The following SYDE2 variants were observed in gnomAD, a reference collection of about 807,000 sequenced individuals.
The protein encoded by SYDE2 is synapse defective Rho GTPase homolog 2.
Under a neutral mutation model 91.5 loss-of-function variants are expected in SYDE2, and 76 were observed. The ratio of observed to expected loss-of-function variants is 0.83; its 90% confidence interval spans 0.69 to 1.01. The LOEUF (loss-of-function observed/expected upper bound fraction) is 1.01, where lower values mean the gene tolerates loss of function less well. SYDE2 is among the 50% of genes least tolerant of loss of function. The pLI, the probability that SYDE2 is intolerant of heterozygous loss-of-function variation, is 0.00. For missense variants in SYDE2, 1,364 were observed against 1,367.7 expected, an observed-to-expected ratio of 1.00 and a Z score of 0.04; for synonymous variants, 513 against 506.4, an observed-to-expected ratio of 1.01 and a Z score of -0.18.
intron 6 of SYDE2, among the ~76,000 whole-genome samples, chr1:85,161,578 T>C (rs1657060763): frequency 6.6e-6 from 1 of 151,680 alleles, no homozygotes; most frequent in Non-Finnish European, 1.5e-5. Context: ...ATACAAAAAT[T>C]AGCTGGGCGC....
Position 85,166,384 on chromosome 1 carries a change from T to A in SYDE2, c.2854-1627A>T, listed in dbSNP as rs997237452. 7.3e-5 allele frequency among the ~76,000 whole-genome samples: 11 copies of A among 151,720 alleles called. No homozygotes were observed. The East Asian group carries it at 2.1e-3, about 29-fold the overall frequency. On this transcript the variant is annotated intron_variant, in intron 5 of 6. Transcript: ENST00000341460. The stretch of plus-strand genomic sequence containing the variant: ...TTTTTTTGTAGAGACAGGGTCTTGC[T>A]ATGTTGTCTAAGCTGGTAAAAATCT...
At chr1:85,192,174 C>T (rs1318287389) in intron 1 of SYDE2, among the ~76,000 whole-genome samples, 1 of 152,088 alleles carries the variant, frequency 6.6e-6, no homozygotes, top group Non-Finnish European at 1.5e-5. Flanking sequence ...AACCTCCCTT[C>T]TACTGAAAAG....
chr1:85,190,666 G>A lies in SYDE2; in HGVS notation c.832C>T (p.Pro278Ser). Reference protein sequence around the residue: ...KDNIEFRGHKPLNSITVSKKR... With the variant: ...KDNIEFRGHKSLNSITVSKKR... ...TTTGAAACAGTGATGCTGTTAAGTGGCTTATGACCTCTGAATTCAATATTA... is the reference window on the plus strand; with the variant it reads ...TTTGAAACAGTGATGCTGTTAAGTGACTTATGACCTCTGAATTCAATATTA... The change falls in exon 2 of 7, where the codon CCA becomes TCA. Residue 278 changes from proline to serine, a missense_variant. Pro to Ser is a moderately conservative substitution (Grantham distance 74). Coordinates refer to ENST00000341460, the MANE Select transcript of SYDE2 (RefSeq NM_032184.2). The A allele has an allele frequency of 6.2e-7, 1 of 1,613,844 alleles. No homozygotes were observed. Among genetic ancestry groups the A allele is most frequent in the East Asian group, 2.2e-5 (1 of 44,866 alleles).
chr1:85,187,545 T>C (rs2100681602), intron 2 of SYDE2, among the ~76,000 whole-genome samples: 1 of 150,346 alleles, frequency 6.7e-6, no homozygotes, highest in African/African-American at 2.4e-5. Context: ...TAAATCATGC[T>C]GCTATAAAGA....
intron 5 of SYDE2, among the ~76,000 whole-genome samples, chr1:85,167,213 CAA>C (rs74838837): frequency 1.4e-4 from 11 of 81,466 alleles, no homozygotes; most frequent in East Asian, 4.2e-4. Flanking sequence ...GACCCTGTCT[CAA>C]AAAAAAAAAA....
chr1:85,170,669 A>T (rs563040339), intron 4 of SYDE2, among the ~76,000 whole-genome samples: 42 of 152,334 alleles, frequency 2.8e-4, no homozygotes, highest in African/African-American at 9.9e-4. Context: ...ATCAGAAATA[A>T]GAAACCTGCA....
At chr1:85,193,018 G>C (rs1209949344) in intron 1 of SYDE2, among the ~76,000 whole-genome samples, 1 of 152,184 alleles carries the variant, frequency 6.6e-6, no homozygotes, top group African/African-American at 2.4e-5. Flanking sequence ...CAAGTAACTT[G>C]TTCAAGAGTA....
In SYDE2 at chr1:85,157,196, T is replaced by C. The variant is rs976103751; in HGVS notation, c.*1554A>G. The C allele has an allele frequency of 5.3e-5, 8 of 152,088 alleles. No individual in the cohort carries two copies. The highest frequency in any genetic ancestry group is 1.9e-4 in the African/African-American group (8 of 41,462). The allele number at this position is 152,088 out of a possible 1,614,324, so 9.4% of individuals were successfully genotyped here. A position where few individuals can be genotyped will look rare whatever the true frequency, so the allele number is the denominator to read the frequency against. On this transcript the variant is annotated 3_prime_UTR_variant, in exon 7 of 7. Coordinates refer to ENST00000341460, the MANE Select transcript of SYDE2 (RefSeq NM_032184.2). ...TAGAAAAACATCAGGAAGCCAGTTT[T>C]TCAATGGCTGCCATGTCTTAAAAGT... is the stretch of plus-strand genomic sequence containing the variant.
chr1:85,173,438 G>A (rs1657574598), intron 4 of SYDE2, among the ~76,000 whole-genome samples: 1 of 152,146 alleles, frequency 6.6e-6, no homozygotes, highest in Non-Finnish European at 1.5e-5. Context: ...ATACATTTCT[G>A]TTGTTTTAGC....
chr1:85,152,933 TA>T (rs1464298507), downstream of SYDE2: 4 of 152,222 alleles, frequency 2.6e-5, no homozygotes, highest in East Asian at 7.7e-4. Flanking sequence ...GATAGTACCA[TA>T]AGTATTTATT....
In SYDE2 at chr1:85,200,522, T is replaced by C. The variant is rs201281082; in HGVS notation, c.475A>G (p.Arg159Gly). 16 of 1,613,202 alleles carry C rather than the reference T, an allele frequency of 9.9e-6. No homozygotes were observed. Among genetic ancestry groups the C allele is most frequent in the Non-Finnish European group, 1.1e-5 (13 of 1,179,830 alleles). The change falls in exon 1 of 7, where the codon AGG (arginine) becomes GGG (glycine). Residue 159 changes from arginine to glycine, a missense_variant. Transcript: ENST00000341460. ...DHGCSSGSPF[R>G]DPAGSSVIRS... is the part of the protein sequence containing the mutation. ...ATCACAGAGGACCCCGCTGGATCCC[T>C]GAAAGGGCTTCCCGAGGAGCAGCCG...
chr1:85,194,539 C>G (rs1658506046), intron 1 of SYDE2, among the ~76,000 whole-genome samples: 1 of 148,938 alleles, frequency 6.7e-6, no homozygotes, highest in Non-Finnish European at 1.5e-5. Context: ...AAAGAAGGTC[C>G]AACTAAAAAT....
Position 85,158,661 on chromosome 1 carries a change from A to T in SYDE2, c.*89T>A. 1.7e-6 allele frequency: 1 copy of T among 576,626 alleles called. No individual in the cohort carries two copies. Among genetic ancestry groups the T allele is most frequent in the South Asian group, 2.5e-5 (1 of 40,058 alleles). 35.7% of individuals were successfully genotyped at this position (576,626 alleles called of 1,614,324 possible). A position where few individuals can be genotyped will look rare whatever the true frequency, so the allele number is the denominator to read the frequency against. On this transcript the variant is annotated 3_prime_UTR_variant, in exon 7 of 7. Coordinates refer to ENST00000341460, the MANE Select transcript of SYDE2 (RefSeq NM_032184.2). Reference sequence around the variant, plus strand: ...ATTAATTAAAGATTTCAAGAGTAAAAAAATGAAAACATCGCTGTGGGTGGT... The same window carrying T: ...ATTAATTAAAGATTTCAAGAGTAAATAAATGAAAACATCGCTGTGGGTGGT...
At chr1:85,173,668 C>T (rs1187516121) in intron 4 of SYDE2, among the ~76,000 whole-genome samples, 1 of 152,038 alleles carries the variant, frequency 6.6e-6, no homozygotes, top group African/African-American at 2.4e-5. Flanking sequence ...TATCCAGCAC[C>T]CAAGAAGGTA....
In SYDE2 at chr1:85,183,075, G is replaced by C. The variant is rs376057292; in HGVS notation, c.1567C>G (p.Pro523Ala). The C allele has an allele frequency of 1.2e-6, 2 of 1,613,528 alleles. No individual in the cohort carries two copies. The highest frequency in any genetic ancestry group is 1.7e-6 in the Non-Finnish European group (2 of 1,179,760). ...NWSLPDKIKSPRTVRKLSMKM... is the reference protein window; with the variant it reads ...NWSLPDKIKSARTVRKLSMKM... ...ATGGAAAGTTTCCTCACAGTTCGTG[G>C]AGATTTTATTTTATCTGGCAATGAC... The change falls in exon 3 of 7, where the codon CCA becomes GCA. Residue 523 changes from proline (P) to alanine (A), a missense_variant. Transcript: ENST00000341460.
intron 1 of SYDE2, among the ~76,000 whole-genome samples, chr1:85,196,606 G>GAAA (rs1160756285): frequency 1.8e-5 from 2 of 108,776 alleles, no homozygotes; most frequent in African/African-American, 3.4e-5. Flanking sequence ...TCCAGAAAAA[G>GAAA]AAAAAAAAAA....
intron 3 of SYDE2, 141 bp from the exon 4 acceptor site, chr1:85,178,413 T>C (rs1657788841): frequency 2.8e-6 from 2 of 712,472 alleles, no homozygotes; most frequent in African/African-American, 1.8e-5. Context: ...TTTTGAAGTC[T>C]CATTATATAC....
At chr1:85,155,021 A>AAG (rs1476921571), downstream of SYDE2, among the ~76,000 whole-genome samples, 4 of 150,422 alleles carry the variant, frequency 2.7e-5, no homozygotes, top group East Asian at 3.9e-4. Context: ...AAAAAAAAAA[A>AAG]AAAAGAAAAG....
downstream of SYDE2, among the ~76,000 whole-genome samples, chr1:85,154,871 G>C (rs555489271): frequency 6.6e-6 from 1 of 151,774 alleles, no homozygotes; most frequent in South Asian, 2.1e-4. Context: ...TAAAAATAAA[G>C]TGTGAGGAAA....
Sources: allele counts gnomAD v4.1 joint callset (sites outside exome capture counted in the v4.1 genomes callset), GRCh38; gene constraint gnomAD v4.1.1; transcripts MANE v1.5; gene names NCBI Gene and HGNC (gene_info 2026-07-23, HGNC 2026-07-21).